MACROD1: variants seen among roughly 807,000 people sequenced by gnomAD.
MACROD1 encodes mono-ADP ribosylhydrolase 1.
In MACROD1, 31 loss-of-function variants were observed where a neutral mutation model predicts 41.4. The observed-to-expected ratio is 0.75, with a 90% CI of 0.56 to 1.01. MACROD1 has a LOEUF of 1.01. Ranked by LOEUF, MACROD1 falls within the 50% of genes least tolerant of loss-of-function variation. The probability of loss-of-function intolerance (pLI) is 0.00; values close to 1 mark genes in which losing one functional copy is unlikely to be tolerated. For synonymous variants in MACROD1, 252 were observed against 203.4 expected, an observed-to-expected ratio of 1.24 and a Z score of -2.03; for missense variants, 473 against 460.0, an observed-to-expected ratio of 1.03 and a Z score of -0.26.
At chr11:64,001,556 G>A (rs913090413) in intron 4 of MACROD1, 12 of 702,210 alleles carry the variant, frequency 1.7e-5, no homozygotes, top group Admixed American at 1.2e-4. Context: ...GTTTGATCTC[G>A]TGCCCTGGGG....
chr11:64,078,851 C>T (rs941750028), intron 3 of MACROD1, among the ~76,000 whole-genome samples: 13 of 151,974 alleles, frequency 8.6e-5, no homozygotes, highest in South Asian at 2.1e-4. Context: ...CATAGCTGGC[C>T]GTGGAGACTG....
intron 4 of MACROD1, among the ~76,000 whole-genome samples, chr11:64,011,976 C>T (rs1943022465): frequency 6.6e-6 from 1 of 152,106 alleles, no homozygotes; most frequent in South Asian, 2.1e-4. Context: ...GCCCCAGCAT[C>T]GTCCCTACCA....
At chr11:64,050,417 C>T (rs1943671285) in intron 3 of MACROD1, among the ~76,000 whole-genome samples, 1 of 152,242 alleles carries the variant, frequency 6.6e-6, no homozygotes, top group South Asian at 2.1e-4. Context: ...TTGGCCAGCC[C>T]TCAGTGTGAC....
At chr11:64,069,054 G>A (rs1177376940) in intron 3 of MACROD1, among the ~76,000 whole-genome samples, 2 of 152,212 alleles carry the variant, frequency 1.3e-5, no homozygotes, top group Non-Finnish European at 2.9e-5. Flanking sequence ...GGCAGTGGCA[G>A]GTGGGGGTGG....
chr11:64,012,495 G>T (rs1943029722), intron 4 of MACROD1, among the ~76,000 whole-genome samples: 1 of 152,012 alleles, frequency 6.6e-6, no homozygotes, highest in African/African-American at 2.4e-5. Flanking sequence ...CTGCCTATGG[G>T]GTTCAAGCAA....
In MACROD1 at chr11:64,161,025, G is replaced by T. The variant is rs558840936; in HGVS notation, c.298+4672C>A. Among the ~76,000 whole-genome samples, 274 of 152,056 alleles carry T rather than the reference G, an allele frequency of 1.8e-3. 3 individuals carry two copies. The highest frequency in any genetic ancestry group is 3.4e-3 in the Middle Eastern group (1 of 294). On this transcript the variant is annotated intron_variant, in intron 1 of 10. Coordinates refer to ENST00000255681, the MANE Select transcript of MACROD1 (RefSeq NM_014067.4). ...CGTCTCTACTAAAATACAAAAATTA[G>T]CCAGGCGTGGTGGCGGGTGCCTGTA...
At chr11:64,012,080 C>T (rs1350322441) in intron 4 of MACROD1, among the ~76,000 whole-genome samples, 1 of 152,184 alleles carries the variant, frequency 6.6e-6, no homozygotes, top group Non-Finnish European at 1.5e-5. Flanking sequence ...AATCTCAGCC[C>T]ATGTTAAAAG....
At chr11:64,069,962 G>A (rs903943540) in intron 3 of MACROD1, among the ~76,000 whole-genome samples, 1 of 152,060 alleles carries the variant, frequency 6.6e-6, no homozygotes, top group Non-Finnish European at 1.5e-5. Flanking sequence ...TGGGATCAAT[G>A]TCCCTCTGCA....
chr11:64,110,068 G>GT (rs1565236894), intron 3 of MACROD1, among the ~76,000 whole-genome samples: 1 of 152,160 alleles, frequency 6.6e-6, no homozygotes, highest in Non-Finnish European at 1.5e-5. Context: ...ATCCTGAATT[G>GT]TAAGTTCCCA....
At chr11:64,118,325 C>G (rs766624364) in intron 3 of MACROD1, 4 of 1,525,170 alleles carry the variant, frequency 2.6e-6, no homozygotes, top group Non-Finnish European at 3.5e-6. Flanking sequence ...CGCCTCAGCC[C>G]CAGCTGCCCT....
intron 3 of MACROD1, among the ~76,000 whole-genome samples, chr11:64,149,607 C>T (rs995989777): frequency 3.9e-5 from 6 of 152,240 alleles, no homozygotes; most frequent in African/African-American, 9.6e-5. Context: ...CATGTTGCAG[C>T]GAACCACCAA....
chr11:64,157,684 C>T (rs912928041), intron 1 of MACROD1, among the ~76,000 whole-genome samples: 8 of 152,100 alleles, frequency 5.3e-5, no homozygotes, highest in African/African-American at 1.2e-4. Context: ...TAAAGTGCAG[C>T]GGGCGAATGG....
chr11:64,153,795 G>C (rs1945622157), intron 1 of MACROD1, among the ~76,000 whole-genome samples: 2 of 152,006 alleles, frequency 1.3e-5, no homozygotes, highest in South Asian at 2.1e-4. Context: ...AACATGTTTG[G>C]GCACGAGTAG....
chr11:64,029,815 G>C (rs570711708), intron 3 of MACROD1, among the ~76,000 whole-genome samples: 2 of 152,338 alleles, frequency 1.3e-5, no homozygotes, highest in South Asian at 2.1e-4. Flanking sequence ...CTGGAGTAAA[G>C]GAAGGTCTAA....
At chr11:64,038,611 TG>T (rs1943427522) in intron 3 of MACROD1, among the ~76,000 whole-genome samples, 1 of 152,158 alleles carries the variant, frequency 6.6e-6, no homozygotes, top group African/African-American at 2.4e-5. Context: ...TGCCCAGTCA[TG>T]GGGCTAGCAG....
chr11:64,120,724 C>G lies in MACROD1; in HGVS notation c.517+30515G>C, dbSNP rs1419788264. Among the ~76,000 whole-genome samples, 1 of 152,082 alleles carries G rather than the reference C, an allele frequency of 6.6e-6. No individual in the cohort carries two copies. On this transcript the variant is annotated intron_variant, in intron 3 of 10. Transcript: ENST00000255681. The surrounding 1 kb of genome is among the most constrained non-coding windows in gnomAD (Gnocchi z 4.5). ...GGCCCTCCCAGTGGACCATGGCCCCCCAGCCCCGAGATGAGCAGAAGGGCC... is the reference window on the plus strand; with the variant it reads ...GGCCCTCCCAGTGGACCATGGCCCCGCAGCCCCGAGATGAGCAGAAGGGCC...
In MACROD1 at chr11:64,090,277, G is replaced by A. The variant is rs1047376719; in HGVS notation, c.517+60962C>T. Among the ~76,000 whole-genome samples, 12 of 152,186 alleles carry A rather than the reference G, an allele frequency of 7.9e-5. No homozygotes were observed. The highest frequency in any genetic ancestry group is 2.7e-4 in the African/African-American group (11 of 41,440). ...TTTGCTCATCCTCGGGAAATGCATC[G>A]TGCGTTGCTTTTCCCGTCTGGGAGT... On this transcript the variant is annotated intron_variant, in intron 3 of 10. Transcript: ENST00000255681. This position sits in a 1 kb window ranked among gnomAD's most constrained non-coding sequence, Gnocchi z 4.7.
intron 3 of MACROD1, among the ~76,000 whole-genome samples, chr11:64,044,007 G>C (rs1326784175): frequency 6.6e-6 from 1 of 152,016 alleles, no homozygotes; most frequent in East Asian, 1.9e-4. Context: ...TAGAGACGGG[G>C]ATTCACCATG....
At chr11:64,151,471 C>G (rs1050995148) in intron 2 of MACROD1, 116 bp from the exon 3 acceptor site, 5 of 714,492 alleles carry the variant, frequency 7.0e-6, no homozygotes, top group African/African-American at 5.2e-5. Flanking sequence ...CCAGGGGCAG[C>G]CTGCAGCACG....
Sources: allele counts gnomAD v4.1 joint callset (sites outside exome capture counted in the v4.1 genomes callset), GRCh38; gene constraint gnomAD v4.1.1; non-coding constraint Gnocchi (gnomAD v3.1); transcripts MANE v1.5; gene names NCBI Gene and HGNC (gene_info 2026-07-23, HGNC 2026-07-21).